Variants in PHACTR4 observed in about 807,000 individuals in gnomAD.
The protein encoded by PHACTR4 is protein phosphatase 1, regulatory subunit 124.
In PHACTR4, 51 loss-of-function variants were observed where a neutral mutation model predicts 72.7. That is an observed-to-expected ratio of 0.70 (90% CI 0.56 to 0.89). The LOEUF is 0.89. Among genes scored for constraint, PHACTR4 ranks in the 40% least tolerant of loss-of-function variants. The probability of loss-of-function intolerance (pLI) is 0.00; values close to 1 mark genes in which losing one functional copy is unlikely to be tolerated. For synonymous variants in PHACTR4, 255 were observed against 302.5 expected (o/e 0.84, Z 1.63); for missense variants, 731 against 861.8 (o/e 0.85, Z 1.90).
Position 28,496,707 on chromosome 1 carries a change from A to G in PHACTR4, c.*158A>G. ...ACTTTGAATGTAGCATTTCACTGGA[A>G]CAGAGTCTTATGTGCTGCACCGGGG... On this transcript the variant is annotated 3_prime_UTR_variant, in exon 14 of 14. Coordinates refer to ENST00000373839, the MANE Select transcript of PHACTR4 (RefSeq NM_001048183.3). The G allele has an allele frequency of 2.4e-6, 2 of 836,096 alleles. No homozygotes were observed. The highest frequency in any genetic ancestry group is 4.0e-6 in the Non-Finnish European group (2 of 504,018). 51.8% of individuals were successfully genotyped at this position (836,096 alleles called of 1,614,324 possible).
At chr1:28,429,289 G>A (rs1393508712) in intron 2 of PHACTR4, among the ~76,000 whole-genome samples, 2 of 152,170 alleles carry the variant, frequency 1.3e-5, no homozygotes, top group Non-Finnish European at 2.9e-5. Context: ...AGTATGTGAA[G>A]CTTCATATGA....
At chr1:28,384,417 C>T (rs1330404897) in intron 1 of PHACTR4, among the ~76,000 whole-genome samples, 1 of 152,044 alleles carries the variant, frequency 6.6e-6, no homozygotes, top group Non-Finnish European at 1.5e-5. Flanking sequence ...AGGAATTATC[C>T]ATTTTTTCTA....
At chr1:28,412,081 A>G (rs1654830330) in intron 2 of PHACTR4, among the ~76,000 whole-genome samples, 1 of 152,304 alleles carries the variant, frequency 6.6e-6, no homozygotes, top group Middle Eastern at 3.4e-3. Flanking sequence ...ATGTTCGTTA[A>G]TATCACTATT....
In PHACTR4 at chr1:28,397,571, T is replaced by C. The variant is rs537474328; in HGVS notation, c.-38-9839T>C. ...AAGGAATAGAAAAGGCAGAAAATAA[T>C]TTCATTCTTGACGGTTTCCATCTGA... On this transcript the variant is annotated intron_variant, in intron 1 of 13. Coordinates refer to ENST00000373839, the MANE Select transcript of PHACTR4 (RefSeq NM_001048183.3). 1.3e-3 allele frequency among the ~76,000 whole-genome samples: 203 copies of C among 152,336 alleles called. 3 individuals carry two copies. Among genetic ancestry groups the C allele is most frequent in the Admixed American group, 4.3e-3 (65 of 15,294 alleles).
chr1:28,457,269 G>T (rs1367824574), intron 2 of PHACTR4: 1 of 441,790 alleles, frequency 2.3e-6, no homozygotes, highest in Non-Finnish European at 4.6e-6. Flanking sequence ...GCTGTTGGTT[G>T]TATATTTTCT....
intron 9 of PHACTR4, among the ~76,000 whole-genome samples, chr1:28,486,300 G>T (rs1469006337): frequency 6.6e-6 from 1 of 152,120 alleles, no homozygotes; most frequent in Non-Finnish European, 1.5e-5. Context: ...AGGTTACAGT[G>T]AGCCAAGATC....
chr1:28,385,388 T>C (rs974971327), intron 1 of PHACTR4, among the ~76,000 whole-genome samples: 9 of 151,506 alleles, frequency 5.9e-5, no homozygotes, highest in African/African-American at 2.2e-4. Flanking sequence ...TACTAAAAAT[T>C]CAAAAATTAG....
intron 1 of PHACTR4, among the ~76,000 whole-genome samples, chr1:28,402,374 T>G (rs1354170716): frequency 6.6e-6 from 1 of 152,168 alleles, no homozygotes; most frequent in East Asian, 1.9e-4. Flanking sequence ...TGTAGATATA[T>G]CAGTCTGTTG....
chr1:28,444,603 TA>T (rs1427429422), intron 2 of PHACTR4, among the ~76,000 whole-genome samples: 2 of 150,662 alleles, frequency 1.3e-5, no homozygotes, highest in East Asian at 1.9e-4. Flanking sequence ...TTATATTATT[TA>T]TTTTTTTATT....
chr1:28,397,747 G>A (rs891207535), intron 1 of PHACTR4, among the ~76,000 whole-genome samples: 3 of 148,708 alleles, frequency 2.0e-5, no homozygotes, highest in African/African-American at 5.0e-5. Flanking sequence ...CCAGGCTGGC[G>A]TGCAGTGGCG....
At position 28,459,148 on chromosome 1, in the gene PHACTR4, C is replaced by T. The variant is rs749702861; in HGVS notation, c.80C>T (p.Thr27Ile). Residue 27 changes from threonine (T) to isoleucine (I), a missense_variant, in exon 3 of 14, where the codon ACA (threonine) becomes ATA (isoleucine). Thr to Ile is a moderately conservative substitution (Grantham distance 89). This residue lies in a region of PHACTR4 where 621 missense variants were observed against 676.6 expected (regional missense o/e 0.92). Coordinates refer to ENST00000373839, the MANE Select transcript of PHACTR4 (RefSeq NM_001048183.3). ...MVLDSVEAGD[T>I]TPPTKRKSKF... ...CTGGACAGTGTGGAAGCAGGAGACACAACACCTCCTACCAAAAGGAAGAGC... is the reference window on the plus strand; with the variant it reads ...CTGGACAGTGTGGAAGCAGGAGACATAACACCTCCTACCAAAAGGAAGAGC... The T allele has an allele frequency of 1.8e-5, 29 of 1,613,654 alleles. No homozygotes were observed. The South Asian group carries it at 3.1e-4, about 17-fold the overall frequency.
At chr1:28,431,196 A>ATAT (rs1553191637) in intron 2 of PHACTR4, among the ~76,000 whole-genome samples, 2 of 128,252 alleles carry the variant, frequency 1.6e-5, no homozygotes, top group African/African-American at 2.9e-5. Flanking sequence ...AAAAAACCAA[A>ATAT]ATATATATAT....
At chr1:28,416,834 A>G (rs1033030013) in intron 2 of PHACTR4, among the ~76,000 whole-genome samples, 31 of 152,150 alleles carry the variant, frequency 2.0e-4, no homozygotes, top group Non-Finnish European at 4.1e-4. Context: ...AATTTAATCC[A>G]TTTTCTCTTT....
chr1:28,467,611 A>G lies in PHACTR4; in HGVS notation c.823+843A>G, dbSNP rs578252497. 3.3e-5 allele frequency among the ~76,000 whole-genome samples: 5 copies of G among 152,348 alleles called. No individual in the cohort carries two copies. The East Asian group carries it at 7.7e-4, about 23-fold the overall frequency. On this transcript the variant is annotated intron_variant, in intron 6 of 13. Transcript: ENST00000373839. ...AATGAGTCTAGTAGATAAAAGGATG[A>G]TTCTGTAGATGCCAGTGGAATTTGG...
chr1:28,390,370 A>G (rs1411277398), intron 1 of PHACTR4, among the ~76,000 whole-genome samples: 1 of 152,180 alleles, frequency 6.6e-6, no homozygotes, highest in African/African-American at 2.4e-5. Context: ...TCAATCTTAC[A>G]ATTCTCATAT....
intron 1 of PHACTR4, among the ~76,000 whole-genome samples, chr1:28,395,578 C>G (rs1339962902): frequency 6.6e-6 from 1 of 151,326 alleles, no homozygotes; most frequent in African/African-American, 2.4e-5. Flanking sequence ...GTCTTTACTC[C>G]TCAGTAATAT....
chr1:28,475,845 G>C (rs1659883184), intron 7 of PHACTR4, among the ~76,000 whole-genome samples: 1 of 150,664 alleles, frequency 6.6e-6, no homozygotes, highest in African/African-American at 2.5e-5. Context: ...TCCTGCCTCA[G>C]CCTCTCAAGT....
At chr1:28,483,448 C>G (rs550749357) in intron 9 of PHACTR4, among the ~76,000 whole-genome samples, 2 of 149,854 alleles carry the variant, frequency 1.3e-5, no homozygotes, top group African/African-American at 4.9e-5. Flanking sequence ...AACCTTGTCT[C>G]AAAAAAAAGT....
intron 1 of PHACTR4, among the ~76,000 whole-genome samples, chr1:28,373,324 C>A (rs1328316771): frequency 6.6e-6 from 1 of 151,046 alleles, no homozygotes; most frequent in Non-Finnish European, 1.5e-5. Context: ...GAGTTTCACT[C>A]TTTTTGCCCA....
Sources: allele counts gnomAD v4.1 joint callset (sites outside exome capture counted in the v4.1 genomes callset), GRCh38; gene constraint gnomAD v4.1.1; regional missense constraint gnomAD v4.1.1; transcripts MANE v1.5; gene names NCBI Gene and HGNC (gene_info 2026-07-23, HGNC 2026-07-21).